The following TSPAN5 variants were observed in gnomAD, a reference collection of about 807,000 sequenced individuals.
TSPAN5 encodes the protein tetraspanin-5.
In TSPAN5, 10 loss-of-function variants were observed where a neutral mutation model predicts 37.1. The ratio of observed to expected loss-of-function variants is 0.27; its 90% CI spans 0.17 to 0.46. The LOEUF is 0.46. Among genes scored for constraint, TSPAN5 ranks in the 20% least tolerant of loss-of-function variants. The pLI is 1.00. For synonymous variants in TSPAN5, 110 were observed against 118.9 expected, an observed-to-expected ratio of 0.93 and a Z score of 0.48; for missense variants, 195 against 326.6, an observed-to-expected ratio of 0.60 and a Z score of 3.11.
intron 1 of TSPAN5, among the ~76,000 whole-genome samples, chr4:98,624,186 C>T (rs1352013561): frequency 2.6e-5 from 4 of 151,790 alleles, no homozygotes; most frequent in Non-Finnish European, 5.9e-5. Context: ...AAGTTATTAC[C>T]ATCCCTGTTT....
intron 1 of TSPAN5, among the ~76,000 whole-genome samples, chr4:98,581,249 G>T (rs977460980): frequency 1.2e-4 from 19 of 152,140 alleles, no homozygotes; most frequent in African/African-American, 4.3e-4. Flanking sequence ...AAGCCATTCT[G>T]AACACACAGC....
chr4:98,544,030 A>C (rs1333576841), intron 1 of TSPAN5, among the ~76,000 whole-genome samples: 1 of 152,028 alleles, frequency 6.6e-6, no homozygotes. Context: ...ATTTTTAAAA[A>C]TTAGCCAAGT....
At chr4:98,590,514 T>C (rs1329998954) in intron 1 of TSPAN5, among the ~76,000 whole-genome samples, 1 of 152,032 alleles carries the variant, frequency 6.6e-6, no homozygotes, top group East Asian at 1.9e-4. Context: ...ATCGAGACCA[T>C]CCTGGCTAAC....
intron 1 of TSPAN5, chr4:98,574,618 T>A (rs1755193742): frequency 6.6e-6 from 1 of 152,228 alleles, no homozygotes; most frequent in Non-Finnish European, 1.5e-5. Context: ...AGCAGCGTGA[T>A]CTAAGGGCAG....
Position 98,595,631 on chromosome 4 carries a change from T to C in TSPAN5, c.81+62515A>G, listed in dbSNP as rs1755745580. Among the ~76,000 whole-genome samples, 2 of 135,144 alleles carry C rather than the reference T, an allele frequency of 1.5e-5. 1 individual carries two copies. Among genetic ancestry groups the C allele is most frequent in the African/African-American group, 6.5e-5 (2 of 30,572 alleles). 88.7% of individuals were successfully genotyped at this position (135,144 alleles called of 152,430 possible). On this transcript the variant is annotated intron_variant, in intron 1 of 7. Coordinates refer to ENST00000305798, the MANE Select transcript of TSPAN5 (RefSeq NM_005723.4). ...AATGCGTCCCAGAGATTCTGGTATG[T>C]GGTGTCTTTGCTCTCGTTGGTTTCG...
chr4:98,658,294 A>G lies in TSPAN5; in HGVS notation c.-68T>C. ...GGAGCTCCGAAGCACCGTTGCTCGG[A>G]GCAGCCCGGCGGGGAGCAGGAGCTC... On this transcript the variant is annotated 5_prime_UTR_variant, in exon 1 of 8. Transcript: ENST00000305798. The G allele has an allele frequency of 7.4e-7, 1 of 1,344,836 alleles. No homozygotes were observed. Among genetic ancestry groups the G allele is most frequent in the Non-Finnish European group, 1.1e-6 (1 of 935,262 alleles). The allele number at this position is 1,344,836 out of a possible 1,614,324, so 83.3% of individuals were successfully genotyped here.
intron 1 of TSPAN5, among the ~76,000 whole-genome samples, chr4:98,649,361 T>C (rs1257121613): frequency 6.6e-6 from 1 of 152,132 alleles, no homozygotes; most frequent in East Asian, 1.9e-4. Flanking sequence ...GACATTTAAA[T>C]GGGAGAAATA....
intron 4 of TSPAN5, among the ~76,000 whole-genome samples, chr4:98,481,237 C>A (rs1560506367): frequency 1.3e-5 from 2 of 152,096 alleles, no homozygotes; most frequent in Non-Finnish European, 2.9e-5. Flanking sequence ...GTATTATTTC[C>A]ATTTTGCTAT....
At chr4:98,483,515 T>C (rs902020897) in intron 3 of TSPAN5, 1 of 152,212 alleles carries the variant, frequency 6.6e-6, no homozygotes, top group African/African-American at 2.4e-5. Flanking sequence ...TTCGAAGATG[T>C]CCCAGTCTTA....
At chr4:98,584,798 T>G (rs1454687214) in intron 1 of TSPAN5, among the ~76,000 whole-genome samples, 1 of 152,232 alleles carries the variant, frequency 6.6e-6, no homozygotes, top group Non-Finnish European at 1.5e-5. Context: ...TCAGAAAAGA[T>G]GGAGTGACCA....
chr4:98,479,919 C>T (rs1157609075), intron 4 of TSPAN5, among the ~76,000 whole-genome samples: 1 of 152,174 alleles, frequency 6.6e-6, no homozygotes, highest in Non-Finnish European at 1.5e-5. Context: ...ACTTCATCCC[C>T]ATGTGACCAT....
intron 1 of TSPAN5, among the ~76,000 whole-genome samples, chr4:98,628,076 G>C (rs76223159): frequency 0.016 from 2,415 of 152,248 alleles, 32 homozygotes; most frequent in Non-Finnish European, 0.026. Flanking sequence ...GTAATCCAAA[G>C]CATTCCTGGT....
At chr4:98,544,171 C>A (rs1233664293) in intron 1 of TSPAN5, among the ~76,000 whole-genome samples, 2 of 152,074 alleles carry the variant, frequency 1.3e-5, no homozygotes, top group African/African-American at 4.8e-5. Flanking sequence ...CAGAGCAAGA[C>A]CCTGTCTCTG....
intron 1 of TSPAN5, among the ~76,000 whole-genome samples, chr4:98,536,529 C>T (rs1188121847): frequency 6.6e-6 from 1 of 152,246 alleles, no homozygotes; most frequent in Non-Finnish European, 1.5e-5. Context: ...AAACACTGTG[C>T]TGGGAGGTCC....
chr4:98,490,736 T>A (rs1030945149), intron 2 of TSPAN5, among the ~76,000 whole-genome samples: 17 of 152,202 alleles, frequency 1.1e-4, no homozygotes, highest in African/African-American at 3.9e-4. Flanking sequence ...AAAATTATTT[T>A]AAAATTTTAA....
In TSPAN5 at chr4:98,621,513, A is replaced by G. The variant is rs561839896; in HGVS notation, c.81+36633T>C. 1.8e-3 allele frequency among the ~76,000 whole-genome samples: 273 copies of G among 151,820 alleles called. 1 individual carries two copies. In the Middle Eastern group the frequency reaches 0.034, roughly 19 times the overall value. Reference sequence around the variant, plus strand: ...CTCCCGAGTAGCTGGGACTACAGGCAACCGCCACCACGTCCGGCTAATTTT... The same window carrying G: ...CTCCCGAGTAGCTGGGACTACAGGCGACCGCCACCACGTCCGGCTAATTTT... On this transcript the variant is annotated intron_variant, in intron 1 of 7. Coordinates refer to ENST00000305798, the MANE Select transcript of TSPAN5 (RefSeq NM_005723.4).
intron 1 of TSPAN5, among the ~76,000 whole-genome samples, chr4:98,567,327 C>T (rs1053696795): frequency 1.3e-5 from 2 of 152,220 alleles, no homozygotes; most frequent in Non-Finnish European, 2.9e-5. Context: ...GTTTTTAACA[C>T]ACACAAAAAA....
chr4:98,639,119 G>A (rs1265512422), intron 1 of TSPAN5, among the ~76,000 whole-genome samples: 1 of 152,166 alleles, frequency 6.6e-6, no homozygotes, highest in Non-Finnish European at 1.5e-5. Context: ...GAGACCCATG[G>A]AGAAGTGTCT....
intron 1 of TSPAN5, among the ~76,000 whole-genome samples, chr4:98,514,228 G>C (rs905383917): frequency 6.6e-5 from 10 of 152,162 alleles, no homozygotes; most frequent in African/African-American, 2.4e-4. Flanking sequence ...GGGAGGCAAG[G>C]GGAGAAGTGC....
Sources: gnomAD v4.1 joint callset for allele counts (sites outside exome capture counted in the v4.1 genomes callset) on GRCh38, gnomAD v4.1.1 for gene constraint, MANE v1.5 for transcripts, NCBI Gene and HGNC (gene_info 2026-07-23, HGNC 2026-07-21) for gene names.